The following CDH7 variants were observed in gnomAD, a reference collection of about 807,000 sequenced individuals.
The protein encoded by CDH7 is cadherin-7.
CDH7 carries 25 observed loss-of-function variants against 71.8 expected under a neutral mutation model. That is an observed-to-expected ratio of 0.35 (90% CI 0.25 to 0.49). The LOEUF (loss-of-function observed/expected upper bound fraction) is 0.49. Ranked by LOEUF, CDH7 falls within the 20% of genes least tolerant of loss-of-function variation. The pLI, the probability that CDH7 is intolerant of heterozygous loss-of-function variation, is 0.99. For missense variants in CDH7, 862 were observed against 974.6 expected, an observed-to-expected ratio of 0.88 and a Z score of 1.54; for synonymous variants, 381 against 363.8, an observed-to-expected ratio of 1.05 and a Z score of -0.54.
At chr18:65,753,937 A>AT (rs1292476303) in intron 1 of CDH7, among the ~76,000 whole-genome samples, 1 of 152,172 alleles carries the variant, frequency 6.6e-6, no homozygotes, top group Non-Finnish European at 1.5e-5. Context: ...CAAAGTGTTT[A>AT]TTGAAACCTG....
intron 8 of CDH7, among the ~76,000 whole-genome samples, chr18:65,858,299 G>A (rs1913436914): frequency 6.6e-6 from 1 of 151,694 alleles, no homozygotes; most frequent in Non-Finnish European, 1.5e-5. Context: ...AAGACATCTG[G>A]ATTTGAATAT....
Position 65,822,039 on chromosome 18 carries a change from A to G in CDH7, c.626-42A>G, listed in dbSNP as rs765732478. On this transcript the variant is annotated intron_variant, in intron 4 of 11. Coordinates refer to ENST00000397968, the MANE Select transcript of CDH7 (RefSeq NM_004361.5). ...CAGTATTCTTTGTTAGTATAAATGC[A>G]GTGATTCATGATGAGTTTTACTGGG... is the stretch of plus-strand genomic sequence containing the variant. 87 of 1,471,860 alleles carry G rather than the reference A, an allele frequency of 5.9e-5. 2 individuals carry two copies. Among genetic ancestry groups the G allele is most frequent in the South Asian group, 5.8e-4 (51 of 88,036 alleles). 91.2% of individuals were successfully genotyped at this position (1,471,860 alleles called of 1,614,324 possible). A position where few individuals can be genotyped will look rare whatever the true frequency, so the allele number is the denominator to read the frequency against.
At chr18:65,778,039 G>C (rs533537172) in intron 2 of CDH7, among the ~76,000 whole-genome samples, 1 of 152,068 alleles carries the variant, frequency 6.6e-6, no homozygotes, top group Non-Finnish European at 1.5e-5. Context: ...TTGGAAAGCC[G>C]AGGCGGGTGG....
intron 2 of CDH7, among the ~76,000 whole-genome samples, chr18:65,792,154 A>G (rs1191703652): frequency 6.9e-6 from 1 of 144,034 alleles, no homozygotes; most frequent in African/African-American, 2.6e-5. Context: ...GCTATACTCC[A>G]TGGAGCCCCA....
At chr18:65,762,384 A>C (rs1006495106) in intron 1 of CDH7, among the ~76,000 whole-genome samples, 2 of 152,244 alleles carry the variant, frequency 1.3e-5, no homozygotes, top group Non-Finnish European at 2.9e-5. Context: ...AAAATGCCCT[A>C]GAAGAAAAGT....
chr18:65,819,065 A>G (rs965600838), intron 4 of CDH7, among the ~76,000 whole-genome samples: 1 of 152,102 alleles, frequency 6.6e-6, no homozygotes, highest in South Asian at 2.1e-4. Flanking sequence ...AGATGTCGAC[A>G]TAAGAGATCG....
intron 2 of CDH7, among the ~76,000 whole-genome samples, chr18:65,764,051 T>C (rs1916282963): frequency 6.6e-6 from 1 of 152,104 alleles, no homozygotes; most frequent in Non-Finnish European, 1.5e-5. Flanking sequence ...AGTTTTATAT[T>C]TGTCTTCCTG....
chr18:65,834,848 C>CA (rs956987721), intron 6 of CDH7, among the ~76,000 whole-genome samples: 1 of 152,210 alleles, frequency 6.6e-6, no homozygotes, highest in African/African-American at 2.4e-5. Flanking sequence ...CATCACCTGA[C>CA]AAAAACTGGT....
intron 1 of CDH7, among the ~76,000 whole-genome samples, chr18:65,758,606 G>A (rs963846303): frequency 5.9e-5 from 9 of 152,136 alleles, no homozygotes; most frequent in Non-Finnish European, 8.8e-5. Flanking sequence ...TATACACAAT[G>A]CCAGTTAAAT....
chr18:65,771,458 G>T (rs1457749206), intron 2 of CDH7, among the ~76,000 whole-genome samples: 1 of 151,278 alleles, frequency 6.6e-6, no homozygotes, highest in African/African-American at 2.4e-5. Flanking sequence ...TGGCCAACAT[G>T]GTGAAACCCC....
rs1185248445 is a variant in CDH7 at position 65,800,416 on chromosome 18, G to A, written c.211-9288G>A. ...CATTTTAAATTCAATATACTTAAAA[G>A]TAATTAACTATTTCCAGCACCAATA... On this transcript the variant is annotated intron_variant, in intron 2 of 11. Transcript: ENST00000397968. Among the ~76,000 whole-genome samples the A allele has an allele frequency of 2.6e-5, 4 of 152,244 alleles. No individual in the cohort carries two copies. The East Asian group carries it at 7.7e-4, about 29-fold the overall frequency.
chr18:65,807,182 A>T (rs1911355981), intron 2 of CDH7, among the ~76,000 whole-genome samples: 2 of 152,158 alleles, frequency 1.3e-5, no homozygotes, highest in Non-Finnish European at 2.9e-5. Context: ...TTGGAGAAGC[A>T]AGCAGTATGA....
chr18:65,834,984 G>A (rs140956327), intron 6 of CDH7, among the ~76,000 whole-genome samples: 8 of 152,200 alleles, frequency 5.3e-5, no homozygotes, highest in African/African-American at 1.4e-4. Context: ...TTTGGCCTGG[G>A]CTCAGTAGGA....
chr18:65,867,479 A>G (rs1298947987), intron 11 of CDH7, among the ~76,000 whole-genome samples: 1 of 152,224 alleles, frequency 6.6e-6, no homozygotes, highest in Non-Finnish European at 1.5e-5. Context: ...AAAGAAAAAA[A>G]ATTCTATGAA....
At chr18:65,788,475 A>G (rs1910590856) in intron 2 of CDH7, among the ~76,000 whole-genome samples, 1 of 152,204 alleles carries the variant, frequency 6.6e-6, no homozygotes, top group Non-Finnish European at 1.5e-5. Context: ...TACATATCAC[A>G]TGGTGTGTAA....
intron 11 of CDH7, among the ~76,000 whole-genome samples, chr18:65,878,807 G>T (rs558501774): frequency 6.6e-6 from 1 of 152,288 alleles, no homozygotes; most frequent in East Asian, 1.9e-4. Context: ...CTGTGCCAAT[G>T]CAGCATGAGA....
chr18:65,877,644 C>A (rs1479785054), intron 11 of CDH7, among the ~76,000 whole-genome samples: 1 of 152,010 alleles, frequency 6.6e-6, no homozygotes, highest in Non-Finnish European at 1.5e-5. Context: ...CTTATTTCTA[C>A]CTGCCTCCAT....
chr18:65,886,846 T>A lies in CDH7; in HGVS notation c.*5952T>A, dbSNP rs1914385475. ...ACTTATATCTTACAACAGCTCATCTTAATCTCTTACGAATGAAGAAACTCT... is the reference window on the plus strand; with the variant it reads ...ACTTATATCTTACAACAGCTCATCTAAATCTCTTACGAATGAAGAAACTCT... On this transcript the variant is annotated 3_prime_UTR_variant, in exon 12 of 12. Coordinates refer to ENST00000397968, the MANE Select transcript of CDH7 (RefSeq NM_004361.5). 1 of 152,194 alleles carries A rather than the reference T, an allele frequency of 6.6e-6. No homozygotes were observed. Among genetic ancestry groups the A allele is most frequent in the Non-Finnish European group, 1.5e-5 (1 of 68,012 alleles). The allele number at this position is 152,194 out of a possible 1,614,324, so 9.4% of individuals were successfully genotyped here. A position where few individuals can be genotyped will look rare whatever the true frequency, so the allele number is the denominator to read the frequency against.
At chr18:65,783,924 G>A (rs910572684) in intron 2 of CDH7, among the ~76,000 whole-genome samples, 3 of 151,894 alleles carry the variant, frequency 2.0e-5, no homozygotes, top group African/African-American at 7.3e-5. Context: ...AATAAAGGCT[G>A]TCAATGGAGA....
Sources: allele counts gnomAD v4.1 joint callset (sites outside exome capture counted in the v4.1 genomes callset), GRCh38; gene constraint gnomAD v4.1.1; transcripts MANE v1.5; gene names NCBI Gene and HGNC (gene_info 2026-07-23, HGNC 2026-07-21).